Variants in CAMK1D observed in about 807,000 individuals in gnomAD.
CAMK1D encodes calcium/calmodulin dependent protein kinase ID, also known as calcium/calmodulin-dependent protein kinase type 1D.
In CAMK1D, 9 loss-of-function variants were observed where a neutral mutation model predicts 47.7. The observed-to-expected ratio is 0.19, with a 90% CI of 0.11 to 0.33. The LOEUF is 0.33. CAMK1D is among the 10% of genes least tolerant of loss of function. The pLI, the probability that CAMK1D is intolerant of heterozygous loss-of-function variation, is 1.00. For synonymous variants in CAMK1D, 184 were observed against 184.9 expected (o/e 0.99, Z 0.04); for missense variants, 291 against 488.7 (o/e 0.60, Z 3.81).
intron 6 of CAMK1D, among the ~76,000 whole-genome samples, chr10:12,802,976 A>T (rs945305539): frequency 1.3e-5 from 2 of 152,236 alleles, no homozygotes; most frequent in African/African-American, 4.8e-5. Flanking sequence ...GCACATCTGG[A>T]TGGAGGTCCT....
chr10:12,545,274 T>C (rs1027240242), intron 1 of CAMK1D, among the ~76,000 whole-genome samples: 1 of 4,066 alleles, frequency 2.5e-4, no homozygotes, highest in African/African-American at 3.7e-4. Flanking sequence ...AACTAGTCTC[T>C]ACTAAAAAAA....
intron 1 of CAMK1D, among the ~76,000 whole-genome samples, chr10:12,427,700 GTTTTTTTTTTT>G (rs768000055): frequency 0.012 from 375 of 31,082 alleles, 30 homozygotes; most frequent in African/African-American, 0.038. Flanking sequence ...TGAACTTACT[GTTTTTTTTTTT>G]TTTTTTTTTT....
intron 1 of CAMK1D, among the ~76,000 whole-genome samples, chr10:12,463,037 C>T (rs1833483449): frequency 6.6e-6 from 1 of 151,970 alleles, no homozygotes; most frequent in African/African-American, 2.4e-5. Flanking sequence ...TTCTGTTGGG[C>T]AACCAGCAGC....
At chr10:12,759,494 T>A (rs905316499) in intron 3 of CAMK1D, among the ~76,000 whole-genome samples, 5 of 152,208 alleles carry the variant, frequency 3.3e-5, no homozygotes, top group Non-Finnish European at 7.3e-5. Flanking sequence ...TGAAAAATGA[T>A]GAGAGGAGAG....
chr10:12,782,355 A>T (rs184450761), intron 5 of CAMK1D, among the ~76,000 whole-genome samples: 127 of 152,278 alleles, frequency 8.3e-4, no homozygotes, highest in African/African-American at 3.0e-3. Flanking sequence ...GACCCAGCAC[A>T]TTCAGTATCA....
At chr10:12,666,981 C>G in intron 3 of CAMK1D, 171 bp downstream of exon 3, 1 of 606,544 alleles carries the variant, frequency 1.6e-6, no homozygotes, top group Non-Finnish European at 2.9e-6. Flanking sequence ...GTGGGCTGCA[C>G]ACAGGCGTCT....
chr10:12,464,611 T>A (rs564583649), intron 1 of CAMK1D, among the ~76,000 whole-genome samples: 2 of 152,070 alleles, frequency 1.3e-5, no homozygotes, highest in African/African-American at 4.8e-5. Context: ...GTCAGGAGAT[T>A]GAGACCATCC....
intron 1 of CAMK1D, among the ~76,000 whole-genome samples, chr10:12,408,107 C>G (rs1440708519): frequency 6.6e-6 from 1 of 152,080 alleles, no homozygotes; most frequent in East Asian, 1.9e-4. Flanking sequence ...ATCCACCCAC[C>G]TTGGCCTCCC....
At chr10:12,695,814 C>CA (rs1418122393) in intron 3 of CAMK1D, among the ~76,000 whole-genome samples, 3 of 152,270 alleles carry the variant, frequency 2.0e-5, no homozygotes, top group East Asian at 1.9e-4. Flanking sequence ...CATGGGGACT[C>CA]ACGCCTGTAA....
chr10:12,793,070 C>T (rs928338), intron 6 of CAMK1D, among the ~76,000 whole-genome samples: 64,077 of 151,448 alleles, frequency 0.42, 13,881 homozygotes, highest in East Asian at 0.55. Flanking sequence ...CCCTGTGTTA[C>T]TCACCCTGGC....
chr10:12,718,471 G>C (rs1216503459), intron 3 of CAMK1D, among the ~76,000 whole-genome samples: 1 of 152,178 alleles, frequency 6.6e-6, no homozygotes, highest in East Asian at 1.9e-4. Context: ...ATGGCTAAAA[G>C]GATTTTAATT....
intron 3 of CAMK1D, among the ~76,000 whole-genome samples, chr10:12,710,503 CA>C (rs1315669395): frequency 6.6e-6 from 1 of 152,230 alleles, no homozygotes; most frequent in African/African-American, 2.4e-5. Context: ...GCCTTCGATA[CA>C]GTCTTTTGTA....
At chr10:12,481,270 G>A (rs904102431) in intron 1 of CAMK1D, among the ~76,000 whole-genome samples, 12 of 152,056 alleles carry the variant, frequency 7.9e-5, no homozygotes, top group African/African-American at 2.9e-4. Context: ...CTGATGACCA[G>A]GTGGCCCCAC....
intron 3 of CAMK1D, among the ~76,000 whole-genome samples, chr10:12,702,175 G>T (rs943711792): frequency 3.9e-5 from 6 of 152,136 alleles, no homozygotes; most frequent in Non-Finnish European, 8.8e-5. Context: ...CAGGAATCGT[G>T]CAGGGACAGC....
chr10:12,565,170 C>T (rs917559109), intron 2 of CAMK1D, among the ~76,000 whole-genome samples: 1 of 152,192 alleles, frequency 6.6e-6, no homozygotes, highest in Non-Finnish European at 1.5e-5. Flanking sequence ...ATGACTGTGC[C>T]ACTGCACTTC....
At chr10:12,794,300 G>A (rs748695516) in intron 6 of CAMK1D, among the ~76,000 whole-genome samples, 6 of 152,160 alleles carry the variant, frequency 3.9e-5, no homozygotes, top group Non-Finnish European at 8.8e-5. Flanking sequence ...GAATGGTAGA[G>A]GAGCCAATTT....
At chr10:12,471,505 C>T (rs1475766873) in intron 1 of CAMK1D, among the ~76,000 whole-genome samples, 3 of 152,172 alleles carry the variant, frequency 2.0e-5, no homozygotes, top group Admixed American at 1.3e-4. Flanking sequence ...GCTCAGCAGC[C>T]TAAAACCTGA....
chr10:12,830,683 G>C lies in CAMK1D; in HGVS notation c.*1796G>C, dbSNP rs1347954547. 1 of 152,220 alleles carries C rather than the reference G, an allele frequency of 6.6e-6. No individual in the cohort carries two copies. The highest frequency in any genetic ancestry group is 1.5e-5 in the Non-Finnish European group (1 of 68,066). The allele number at this position is 152,220 out of a possible 1,614,324, so 9.4% of individuals were successfully genotyped here. A position where few individuals can be genotyped will look rare whatever the true frequency, so the allele number is the denominator to read the frequency against. ...TGTAAAGCCAGGCAGGTGGCTTCAA[G>C]TGCCATTCCTGCAAGTGCCCCTGCT... On this transcript the variant is annotated 3_prime_UTR_variant, in exon 11 of 11. Coordinates refer to ENST00000619168, the MANE Select transcript of CAMK1D (RefSeq NM_153498.4).
chr10:12,595,911 G>A (rs1278407550), intron 2 of CAMK1D, among the ~76,000 whole-genome samples: 1 of 152,150 alleles, frequency 6.6e-6, no homozygotes, highest in East Asian at 1.9e-4. Context: ...CCTACTATGA[G>A]TAGCAGCTTC....
Sources: allele counts gnomAD v4.1 joint callset (sites outside exome capture counted in the v4.1 genomes callset), GRCh38; gene constraint gnomAD v4.1.1; transcripts MANE v1.5; gene names NCBI Gene and HGNC (gene_info 2026-07-23, HGNC 2026-07-21).